ABCA13: variants seen among roughly 807,000 people sequenced by gnomAD.
ABCA13 encodes ATP-binding cassette sub-family A member 13.
Under a neutral mutation model 478.7 loss-of-function variants are expected in ABCA13, and 476 were observed. The observed-to-expected ratio is 0.99, with a 90% CI of 0.92 to 1.07. ABCA13 has a LOEUF of 1.07. ABCA13 is among the 50% of genes least tolerant of loss of function. The pLI, the probability that ABCA13 is intolerant of heterozygous loss-of-function variation, is 0.00. For missense variants in ABCA13, 6,060 were observed against 5,910.6 expected, an observed-to-expected ratio of 1.03 and a Z score of -0.83; for synonymous variants, 2,252 against 2,158.9, an observed-to-expected ratio of 1.04 and a Z score of -1.20.
chr7:48,578,345 T>G (rs1788388206), intron 55 of ABCA13, among the ~76,000 whole-genome samples: 1 of 152,154 alleles, frequency 6.6e-6, no homozygotes, highest in South Asian at 2.1e-4. Flanking sequence ...AAAAAAATAC[T>G]CCTAGAACTA....
chr7:48,337,850 G>T (rs1304859249), intron 28 of ABCA13, among the ~76,000 whole-genome samples: 1 of 152,196 alleles, frequency 6.6e-6, no homozygotes, highest in East Asian at 1.9e-4. Flanking sequence ...ATTGAAAAAT[G>T]AGGCAAAGTC....
At chr7:48,558,044 C>T (rs1786024634) in intron 55 of ABCA13, among the ~76,000 whole-genome samples, 1 of 151,400 alleles carries the variant, frequency 6.6e-6, no homozygotes, top group African/African-American at 2.4e-5. Context: ...TGTCTTCAAG[C>T]TCATCAATTC....
At chr7:48,411,744 T>A (rs1392118300) in intron 40 of ABCA13, among the ~76,000 whole-genome samples, 2 of 152,184 alleles carry the variant, frequency 1.3e-5, no homozygotes, top group African/African-American at 4.8e-5. Flanking sequence ...TAGTCATCAT[T>A]GCCTGTGTCA....
At chr7:48,552,308 T>A (rs1367980386) in intron 55 of ABCA13, among the ~76,000 whole-genome samples, 2 of 151,858 alleles carry the variant, frequency 1.3e-5, no homozygotes, top group Non-Finnish European at 2.9e-5. Flanking sequence ...CAGATACATG[T>A]TTTGCTGAAT....
At chr7:48,264,572 G>A (rs555851046) in intron 15 of ABCA13, among the ~76,000 whole-genome samples, 6 of 151,658 alleles carry the variant, frequency 4.0e-5, no homozygotes, top group Admixed American at 2.0e-4. Flanking sequence ...TATGTCATCT[G>A]TATTTTTGTT....
At chr7:48,225,101 ATGCG>A (rs1186172210) in intron 5 of ABCA13, among the ~76,000 whole-genome samples, 1 of 133,524 alleles carries the variant, frequency 7.5e-6, no homozygotes, top group East Asian at 2.4e-4. Flanking sequence ...GTTAATCACC[ATGCG>A]TGCGTGCCTG....
intron 42 of ABCA13, among the ~76,000 whole-genome samples, chr7:48,441,794 T>C (rs964674549): frequency 6.6e-6 from 1 of 152,000 alleles, no homozygotes; most frequent in Admixed American, 6.6e-5. Flanking sequence ...AGAGATGTGA[T>C]TTGGATTTCT....
chr7:48,515,512 C>T (rs924512555), intron 51 of ABCA13, among the ~76,000 whole-genome samples: 2 of 152,102 alleles, frequency 1.3e-5, no homozygotes, highest in African/African-American at 4.8e-5. Flanking sequence ...GTGGGGACTG[C>T]TTCTAGGGTT....
At chr7:48,391,885 C>T (rs201518247) in intron 37 of ABCA13, 36 bp from the exon 38 acceptor site, 15 of 1,587,346 alleles carry the variant, frequency 9.4e-6, no homozygotes, top group East Asian at 4.5e-5. Context: ...GTATCAGCAA[C>T]GCGTATTCTC....
At chr7:48,569,778 G>T (rs1255519180) in intron 55 of ABCA13, among the ~76,000 whole-genome samples, 1 of 152,130 alleles carries the variant, frequency 6.6e-6, no homozygotes, top group East Asian at 1.9e-4. Context: ...GCTCACCTTG[G>T]TCTCCCAAAG....
Position 48,489,285 on chromosome 7 carries a change from A to G in ABCA13, c.13232A>G (p.His4411Arg). Residue 4411 changes from histidine to arginine, a missense_variant, in exon 48 of 62, where the codon CAT becomes CGT. By Grantham distance (29) the His-to-Arg change is conservative. Around this residue, in one of 3 missense-constraint regions of ABCA13, gnomAD observed 1,627 missense variants for 1,571.0 expected, o/e 1.04. Coordinates refer to ENST00000435803, the MANE Select transcript of ABCA13 (RefSeq NM_152701.5). Reference protein sequence around the residue: ...GFHSLPSYLNHLNNLILWQHL... With the variant: ...GFHSLPSYLNRLNNLILWQHL... ...CATTCCCTACCTTCCTACTTAAATCATCTAAACAACCTTATTTTGTGGCAG... is the reference window on the plus strand; with the variant it reads ...CATTCCCTACCTTCCTACTTAAATCGTCTAAACAACCTTATTTTGTGGCAG... The G allele has an allele frequency of 6.2e-7, 1 of 1,613,110 alleles. No individual in the cohort carries two copies. The highest frequency in any genetic ancestry group is 8.5e-7 in the Non-Finnish European group (1 of 1,179,364).
chr7:48,631,232 A>C (rs2131637350), intron 59 of ABCA13, among the ~76,000 whole-genome samples: 1 of 152,076 alleles, frequency 6.6e-6, no homozygotes, highest in South Asian at 2.1e-4. Context: ...ATTCTTTGTC[A>C]AGGCTGATGT....
chr7:48,389,311 T>C, intron 37 of ABCA13, 91 bp downstream of exon 37: 2 of 1,411,146 alleles, frequency 1.4e-6, no homozygotes, highest in Non-Finnish European at 9.5e-7. Flanking sequence ...TTTCTTTTCC[T>C]TTTTTTAAAA....
rs370208578 is a variant in ABCA13 at position 48,275,512 on chromosome 7, A to G, written c.5846A>G (p.Lys1949Arg). 5.6e-6 allele frequency: 9 copies of G among 1,613,914 alleles called. No individual in the cohort carries two copies. The highest frequency in any genetic ancestry group is 4.5e-5 in the East Asian group (2 of 44,876). The change falls in exon 17 of 62, where the codon AAG becomes AGG. Residue 1949 changes from lysine to arginine, a missense_variant. By Grantham distance (26) the Lys-to-Arg change is conservative. Transcript: ENST00000435803. ...ISELCPSGSI[K>R]QVALQIIEKL... is the part of the protein sequence containing the mutation. ...GAACTCTGTCCTAGTGGTTCCATAAAGCAAGTTGCTTTGCAAATCATAGAA... is the reference window on the plus strand; with the variant it reads ...GAACTCTGTCCTAGTGGTTCCATAAGGCAAGTTGCTTTGCAAATCATAGAA...
chr7:48,380,474 T>C (rs1410428650), intron 35 of ABCA13, among the ~76,000 whole-genome samples: 4 of 152,212 alleles, frequency 2.6e-5, no homozygotes, highest in Non-Finnish European at 5.9e-5. Flanking sequence ...TACACAGTGG[T>C]TGAATTTCTG....
intron 27 of ABCA13, among the ~76,000 whole-genome samples, chr7:48,324,503 A>G (rs910460720): frequency 1.3e-5 from 2 of 152,204 alleles, no homozygotes; most frequent in Non-Finnish European, 2.9e-5. Context: ...CCTCTTTGGA[A>G]TGATCTTTTA....
chr7:48,294,578 C>A (rs950368308), intron 20 of ABCA13, among the ~76,000 whole-genome samples: 10 of 151,458 alleles, frequency 6.6e-5, no homozygotes, highest in African/African-American at 2.4e-4. Context: ...TCCCGAGTAG[C>A]TGGGACTACA....
intron 23 of ABCA13, among the ~76,000 whole-genome samples, chr7:48,307,668 T>C (rs1801105529): frequency 6.6e-6 from 1 of 152,188 alleles, no homozygotes. Flanking sequence ...TTTTTTTACT[T>C]TATAAACTTT....
At chr7:48,413,058 G>A (rs186354612) in intron 41 of ABCA13, among the ~76,000 whole-genome samples, 11 of 151,854 alleles carry the variant, frequency 7.2e-5, no homozygotes, top group South Asian at 2.1e-4. Context: ...TGATCCGCCC[G>A]CCTCAGCCTC....
Sources: allele counts gnomAD v4.1 joint callset (sites outside exome capture counted in the v4.1 genomes callset), GRCh38; gene constraint gnomAD v4.1.1; regional missense constraint gnomAD v4.1.1; transcripts MANE v1.5; gene names NCBI Gene and HGNC (gene_info 2026-07-23, HGNC 2026-07-21).